ARHGAP15: variants seen among roughly 807,000 people sequenced by gnomAD.
The protein encoded by ARHGAP15 is rho GTPase-activating protein 15.
A neutral mutation model predicts 63.7 loss-of-function variants in ARHGAP15; 51 were observed. The ratio of observed to expected loss-of-function variants is 0.80; its 90% confidence interval spans 0.64 to 1.01. The LOEUF is 1.01. ARHGAP15 is among the 50% of genes least tolerant of loss of function. The pLI is 0.00. For missense variants in ARHGAP15, 560 were observed against 564.6 expected, an observed-to-expected ratio of 0.99 and a Z score of 0.08; for synonymous variants, 191 against 193.8, an observed-to-expected ratio of 0.99 and a Z score of 0.12.
intron 1 of ARHGAP15, among the ~76,000 whole-genome samples, chr2:143,138,444 C>T (rs1689232555): frequency 1.3e-5 from 2 of 151,862 alleles, no homozygotes; most frequent in African/African-American, 4.8e-5. Context: ...TTCATGAGGC[C>T]CTAGAGTCTA....
chr2:143,414,843 C>T (rs139600943), intron 6 of ARHGAP15, among the ~76,000 whole-genome samples: 10 of 152,216 alleles, frequency 6.6e-5, no homozygotes, highest in East Asian at 3.9e-4. Flanking sequence ...GAGGCAGAAC[C>T]GCTAGAACCT....
intron 11 of ARHGAP15, among the ~76,000 whole-genome samples, chr2:143,570,075 C>T (rs1364489234): frequency 6.6e-6 from 1 of 152,092 alleles, no homozygotes; most frequent in South Asian, 2.1e-4. Context: ...TGAGTCAATC[C>T]CATGAGATAA....
chr2:143,134,860 A>G (rs541329432), intron 1 of ARHGAP15, among the ~76,000 whole-genome samples: 2 of 152,006 alleles, frequency 1.3e-5, no homozygotes, highest in South Asian at 2.1e-4. Context: ...GATGGTGTCG[A>G]TCTCCTGACC....
chr2:143,473,263 C>T (rs967684603), intron 8 of ARHGAP15, among the ~76,000 whole-genome samples: 14 of 152,192 alleles, frequency 9.2e-5, no homozygotes, highest in South Asian at 2.1e-4. Context: ...ATGTTTCTGT[C>T]CCCCTCTGCT....
chr2:143,209,922 C>A (rs1176118960), intron 3 of ARHGAP15, among the ~76,000 whole-genome samples: 1 of 152,076 alleles, frequency 6.6e-6, no homozygotes, highest in African/African-American at 2.4e-5. Context: ...CCATCCAGCT[C>A]CACATTTGAA....
At chr2:143,483,370 T>C (rs954465573) in intron 8 of ARHGAP15, among the ~76,000 whole-genome samples, 1 of 152,166 alleles carries the variant, frequency 6.6e-6, no homozygotes, top group Non-Finnish European at 1.5e-5. Flanking sequence ...TTTTACTAGT[T>C]CCAAATGGAA....
intron 8 of ARHGAP15, among the ~76,000 whole-genome samples, chr2:143,445,157 T>TA (rs1193625499): frequency 1.6e-5 from 2 of 121,414 alleles, no homozygotes; most frequent in African/African-American, 6.3e-5. Context: ...ACAATTATTT[T>TA]TTTTTTTTTT....
chr2:143,370,824 TC>T, intron 6 of ARHGAP15, among the ~76,000 whole-genome samples: 1 of 152,324 alleles, frequency 6.6e-6, no homozygotes, highest in Admixed American at 6.5e-5. Flanking sequence ...TTCATTTACT[TC>T]TTTCTCTACT....
At chr2:143,715,784 G>A (rs1684784763) in intron 13 of ARHGAP15, among the ~76,000 whole-genome samples, 1 of 152,162 alleles carries the variant, frequency 6.6e-6, no homozygotes, top group South Asian at 2.1e-4. Context: ...TCTTCATCAT[G>A]AAATCTTTAC....
chr2:143,750,191 G>A (rs1236708571), intron 13 of ARHGAP15, among the ~76,000 whole-genome samples: 1 of 152,228 alleles, frequency 6.6e-6, no homozygotes, highest in African/African-American at 2.4e-5. Context: ...TATGATCCCA[G>A]CACTTTGGAA....
chr2:143,216,329 A>G, intron 3 of ARHGAP15, 55 bp from the exon 4 acceptor site: 1 of 1,348,860 alleles, frequency 7.4e-7, no homozygotes, highest in Non-Finnish European at 1.0e-6. Flanking sequence ...GGTTTATTCA[A>G]ATCAACAATG....
At chr2:143,366,509 C>T (rs118138248) in intron 6 of ARHGAP15, among the ~76,000 whole-genome samples, 2,664 of 152,018 alleles carry the variant, frequency 0.018, 41 homozygotes, top group South Asian at 0.099. Flanking sequence ...ATGAGGAAAA[C>T]AAATAATATT....
chr2:143,723,425 T>C (rs1217328358), intron 13 of ARHGAP15, among the ~76,000 whole-genome samples: 1 of 152,144 alleles, frequency 6.6e-6, no homozygotes, highest in Admixed American at 6.5e-5. Context: ...AGCAATTGTT[T>C]TGGTGTTGGC....
At chr2:143,350,586 G>A (rs769233245) in intron 6 of ARHGAP15, among the ~76,000 whole-genome samples, 11 of 151,032 alleles carry the variant, frequency 7.3e-5, no homozygotes, top group Middle Eastern at 3.2e-3. Flanking sequence ...TTGGGAGGCC[G>A]AGGGGGGTGG....
intron 12 of ARHGAP15, among the ~76,000 whole-genome samples, chr2:143,626,752 C>T (rs955195883): frequency 1.5e-4 from 23 of 152,220 alleles, no homozygotes; most frequent in Non-Finnish European, 2.6e-4. Context: ...AGCTACAGAG[C>T]GCTGATTGGT....
At chr2:143,266,461 G>A (rs112304333) in intron 6 of ARHGAP15, among the ~76,000 whole-genome samples, 138 of 152,164 alleles carry the variant, frequency 9.1e-4, no homozygotes, top group African/African-American at 3.3e-3. Context: ...CCCAAAACAG[G>A]GCAGACTAAA....
chr2:143,314,034 A>G (rs1487936289), intron 6 of ARHGAP15, among the ~76,000 whole-genome samples: 2 of 151,476 alleles, frequency 1.3e-5, no homozygotes, highest in African/African-American at 4.9e-5. Context: ...TTTTCTCCCA[A>G]ATGCTACTCT....
At chr2:143,654,536 G>A (rs1681334269) in intron 12 of ARHGAP15, among the ~76,000 whole-genome samples, 1 of 152,256 alleles carries the variant, frequency 6.6e-6, no homozygotes, top group East Asian at 1.9e-4. Context: ...ATTAATTTTT[G>A]TATAGAAATT....
chr2:143,323,213 A>G (rs1260369601), intron 6 of ARHGAP15, among the ~76,000 whole-genome samples: 1 of 152,254 alleles, frequency 6.6e-6, no homozygotes, highest in East Asian at 1.9e-4. Context: ...GGTTTGTTAC[A>G]TGGGTATATT....
Sources: allele counts gnomAD v4.1 joint callset (sites outside exome capture counted in the v4.1 genomes callset), GRCh38; gene constraint gnomAD v4.1.1; transcripts MANE v1.5; gene names NCBI Gene and HGNC (gene_info 2026-07-23, HGNC 2026-07-21).